DOCK7: variants seen among roughly 807,000 people sequenced by gnomAD.
DOCK7 encodes the protein dedicator of cytokinesis 7.
DOCK7 carries 138 observed loss-of-function variants against 271.0 expected under a neutral mutation model. The observed-to-expected ratio is 0.51, with a 90% confidence interval of 0.44 to 0.59. The LOEUF (loss-of-function observed/expected upper bound fraction) is 0.59. Among genes scored for constraint, DOCK7 ranks in the 20% least tolerant of loss-of-function variants. The probability of loss-of-function intolerance (pLI) is 0.00; values close to 1 mark genes in which losing one functional copy is unlikely to be tolerated. For missense variants in DOCK7, 2,066 were observed against 2,592.4 expected, an observed-to-expected ratio of 0.80 and a Z score of 4.41; for synonymous variants, 823 against 876.1, an observed-to-expected ratio of 0.94 and a Z score of 1.07.
chr1:62,553,032 C>CCTT, intron 21 of DOCK7, 131 bp from the exon 22 acceptor site: 1 of 166,010 alleles, frequency 6.0e-6, no homozygotes, highest in Non-Finnish European at 9.1e-6. Flanking sequence ...AAAAAATATA[C>CCTT]TTTTTTTTTT....
intron 11 of DOCK7, among the ~76,000 whole-genome samples, chr1:62,626,635 T>C (rs888404879): frequency 3.3e-5 from 5 of 151,980 alleles, no homozygotes; most frequent in African/African-American, 1.2e-4. Flanking sequence ...AGATACCAAC[T>C]AGATAACTTT....
rs141307990 is a variant in DOCK7, at chr1:62,531,957, A to T, written c.3612-2511T>A. Among the ~76,000 whole-genome samples the T allele has an allele frequency of 1.0e-3, 154 of 152,346 alleles. 2 individuals carry two copies. The highest frequency in any genetic ancestry group is 3.5e-3 in the African/African-American group (147 of 41,572). On this transcript the variant is annotated intron_variant, in intron 29 of 49. Transcript: ENST00000635253. ...CATGCTCACATTCTACTGGGAGAGG[A>T]CAGATCATAAACAAGCAAATTTCAG... is the stretch of plus-strand genomic sequence containing the variant.
intron 1 of DOCK7, among the ~76,000 whole-genome samples, chr1:62,681,154 G>A (rs1187874792): frequency 1.3e-5 from 2 of 152,138 alleles, no homozygotes; most frequent in Non-Finnish European, 2.9e-5. Flanking sequence ...ATCAATGATA[G>A]ACTGGATGAA....
intron 2 of DOCK7, among the ~76,000 whole-genome samples, chr1:62,655,692 GC>G (rs1050255813): frequency 6.6e-6 from 1 of 152,164 alleles, no homozygotes; most frequent in Non-Finnish European, 1.5e-5. Flanking sequence ...CTCCCGAAGT[GC>G]TGGGATTACA....
Position 62,529,312 on chromosome 1 carries a change from A to G in DOCK7, c.3746T>C (p.Ile1249Thr), listed in dbSNP as rs745532701. 5 of 1,612,556 alleles carry G rather than the reference A, an allele frequency of 3.1e-6. No individual in the cohort carries two copies. In the East Asian group the frequency reaches 1.1e-4, roughly 36 times the overall value. ...AMLYLPLIGIIMETVPQLYDF... is the reference protein window; with the variant it reads ...AMLYLPLIGITMETVPQLYDF... ...ATACAGCTGAGGTACAGTTTCCATG[A>G]TAATACCAATCAGAGGTAGATACAA... The change falls in exon 30 of 50, where the codon ATC becomes ACC. Residue 1249 changes from isoleucine (I) to threonine (T), a missense_variant. By Grantham distance (89) the Ile-to-Thr change is moderately conservative (BLOSUM62 -1). Around this residue, in one of 2 missense-constraint regions of DOCK7, gnomAD observed 1,414 missense variants for 1,670.4 expected, o/e 0.85. Transcript: ENST00000635253.
rs1229605066 is a variant in DOCK7, at chr1:62,513,605, C to T, written c.4121G>A (p.Gly1374Glu). 1 of 1,609,888 alleles carries T rather than the reference C, an allele frequency of 6.2e-7. No individual in the cohort carries two copies. Among genetic ancestry groups the T allele is most frequent in the East Asian group, 2.2e-5 (1 of 44,852 alleles). ...YLCVSCFEYK[G>E]KKVFERMNSL... ...ATTCATTCGTTCAAACACTTTTTTC[C>T]CCTAAAATGTAAACATTAGAAGAGA... Residue 1374 changes from glycine (G) to glutamate (E), a missense_variant and splice_region_variant, in exon 33 of 50, where the codon GGG becomes GAG. Around this residue, in one of 2 missense-constraint regions of DOCK7, gnomAD observed 1,414 missense variants for 1,670.4 expected, o/e 0.85. Coordinates refer to ENST00000635253, the MANE Select transcript of DOCK7 (RefSeq NM_001367561.1).
chr1:62,528,987 T>C (rs896861954), intron 30 of DOCK7, among the ~76,000 whole-genome samples: 1 of 152,208 alleles, frequency 6.6e-6, no homozygotes, highest in African/African-American at 2.4e-5. Flanking sequence ...TCTTGTATTT[T>C]TTCAGATGTA....
intron 18 of DOCK7, among the ~76,000 whole-genome samples, chr1:62,568,267 T>A (rs1646591907): frequency 6.6e-6 from 1 of 151,854 alleles, no homozygotes; most frequent in East Asian, 1.9e-4. Flanking sequence ...ACAGGGAAAT[T>A]TATAGCACTA....
intron 39 of DOCK7, chr1:62,495,355 G>A: frequency 3.6e-6 from 1 of 275,796 alleles, no homozygotes; most frequent in Non-Finnish European, 6.7e-6. Context: ...ACTTTGGGAG[G>A]CCAAGACAGG....
At chr1:62,605,530 A>G (rs1272306475) in intron 14 of DOCK7, 3 of 152,454 alleles carry the variant, frequency 2.0e-5, no homozygotes, top group African/African-American at 7.2e-5. Context: ...TATACTGTAT[A>G]CATTTTATAT....
intron 14 of DOCK7, among the ~76,000 whole-genome samples, chr1:62,611,456 G>C (rs1480586913): frequency 6.6e-6 from 1 of 152,128 alleles, no homozygotes; most frequent in Non-Finnish European, 1.5e-5. Context: ...AGTATCATAT[G>C]GGTGCTTGAA....
chr1:62,513,372 AG>A (rs1644556032), intron 33 of DOCK7, 71 bp downstream of exon 33: 1 of 1,435,840 alleles, frequency 7.0e-7, no homozygotes, highest in African/African-American at 1.4e-5. Context: ...TAAAAAGCAT[AG>A]GATTGACATT....
intron 38 of DOCK7, 82 bp from the exon 39 acceptor site, chr1:62,495,763 A>G: frequency 9.2e-7 from 1 of 1,091,702 alleles, no homozygotes. Flanking sequence ...GATATTTCAG[A>G]TAAATATCTA....
At chr1:62,607,615 T>C (rs1651189682) in intron 14 of DOCK7, among the ~76,000 whole-genome samples, 1 of 152,224 alleles carries the variant, frequency 6.6e-6, no homozygotes, top group Non-Finnish European at 1.5e-5. Flanking sequence ...CAAGCTCATC[T>C]ACTGAAGAAG....
At chr1:62,485,721 AAC>A in intron 43 of DOCK7, 1 of 978,098 alleles carries the variant, frequency 1.0e-6, no homozygotes, top group South Asian at 4.7e-5. Flanking sequence ...GAGAAGAGAA[AAC>A]AGAAAGCATT....
Position 62,475,899 on chromosome 1 carries a change from A to G in DOCK7, c.5769T>C (p.Tyr1923=), listed in dbSNP as rs1479429891. The G allele has an allele frequency of 6.2e-7, 1 of 1,613,970 alleles. No homozygotes were observed. Among genetic ancestry groups the G allele is most frequent in the Non-Finnish European group, 8.5e-7 (1 of 1,179,894 alleles). The part of the protein sequence containing the change: ...ITYVEPYFDT[Y]EMKDRITYFD... The stretch of plus-strand genomic sequence containing the variant: ...AATAGGTGATTCTGTCCTTCATCTC[A>G]TATGTGTCAAAGTATGGCTCCACAT... Residue 1923 remains tyrosine (Y), a synonymous_variant, in exon 46 of 50, where the codon TAT becomes TAC. Coordinates refer to ENST00000635253, the MANE Select transcript of DOCK7 (RefSeq NM_001367561.1).
At chr1:62,657,077 C>A (rs1432682411) in intron 2 of DOCK7, among the ~76,000 whole-genome samples, 2 of 152,148 alleles carry the variant, frequency 1.3e-5, no homozygotes, top group Non-Finnish European at 2.9e-5. Context: ...GACATCAACT[C>A]CTATGAAGCA....
rs1464977808 is a variant in DOCK7 at position 62,663,137 on chromosome 1, T to C, written c.39-7A>G. On this transcript the variant is annotated splice_region_variant and splice_polypyrimidine_tract_variant and intron_variant, in intron 1 of 49. Coordinates refer to ENST00000635253, the MANE Select transcript of DOCK7 (RefSeq NM_001367561.1). ...AACTTCGGCTGCCACCGTTCTACAATGAAGAAAGCAAAAACATACGCATTA... is the reference window on the plus strand; with the variant it reads ...AACTTCGGCTGCCACCGTTCTACAACGAAGAAAGCAAAAACATACGCATTA... The C allele has an allele frequency of 4.4e-6, 7 of 1,584,458 alleles. No homozygotes were observed. The highest frequency in any genetic ancestry group is 6.0e-6 in the Non-Finnish European group (7 of 1,166,022).
At position 62,493,845 on chromosome 1, in the gene DOCK7, A is replaced by G. The variant is rs984402170; in HGVS notation, c.5217+430T>C. On this transcript the variant is annotated intron_variant, in intron 40 of 49. Transcript: ENST00000635253. ...AGAATTATGTACCCTACTAGAGGGC[A>G]AACTCATCTGTGAGTCATGGTATTA... is the stretch of plus-strand genomic sequence containing the variant. Among the ~76,000 whole-genome samples the G allele has an allele frequency of 3.3e-5, 5 of 152,360 alleles. No individual in the cohort carries two copies. The South Asian group carries it at 1.0e-3, about 32-fold the overall frequency.
Sources: gnomAD v4.1 joint callset for allele counts (sites outside exome capture counted in the v4.1 genomes callset) on GRCh38, gnomAD v4.1.1 for gene constraint, gnomAD v4.1.1 regional missense constraint, MANE v1.5 for transcripts, NCBI Gene and HGNC (gene_info 2026-07-23, HGNC 2026-07-21) for gene names.